Variants in TLE5 observed in about 807,000 individuals in gnomAD.
TLE5 encodes TLE family member 5, transcriptional modulator.
TLE5 carries 7 observed loss-of-function variants against 25.8 expected under a neutral mutation model. The observed-to-expected ratio is 0.27, with a 90% CI of 0.15 to 0.51. The LOEUF is 0.51. Ranked by LOEUF, TLE5 falls within the 20% of genes least tolerant of loss-of-function variation. The pLI, the probability that TLE5 is intolerant of heterozygous loss-of-function variation, is 0.97. For synonymous variants in TLE5, 132 were observed against 110.5 expected (o/e 1.20, Z -1.22); for missense variants, 149 against 250.7 (o/e 0.59, Z 2.74).
At position 3,062,461 on chromosome 19, in the gene TLE5, C is replaced by T; in HGVS notation, c.-261G>A. On this transcript the variant is annotated 5_prime_UTR_variant, in exon 1 of 7. Coordinates refer to ENST00000327141, the MANE Select transcript of TLE5 (RefSeq NM_001130.6). The stretch of plus-strand genomic sequence containing the variant: ...CGCCCGCCTCCCCGCTCCCCGGCCC[C>T]ACCGCTATTGTCTAATGGCGGCGAC... 1 of 686,642 alleles carries T rather than the reference C, an allele frequency of 1.5e-6. No homozygotes were observed. Among genetic ancestry groups the T allele is most frequent in the Non-Finnish European group, 1.8e-6 (1 of 559,640 alleles). The allele number at this position is 686,642 out of a possible 1,614,324, so 42.5% of individuals were successfully genotyped here. A position where few individuals can be genotyped will look rare whatever the true frequency, so the allele number is the denominator to read the frequency against.
chr19:3,057,658 C>CAGTGT, intron 3 of TLE5, 21 bp downstream of exon 3: 1 of 1,611,758 alleles, frequency 6.2e-7, no homozygotes, highest in South Asian at 1.1e-5. Flanking sequence ...AACACTGGAC[C>CAGTGT]TGGGGGCGGA....
chr19:3,062,822 C>A (rs1311442261), upstream of TLE5: 1 of 1,550,262 alleles, frequency 6.5e-7, no homozygotes, highest in South Asian at 1.2e-5. Context: ...TGCTCTGTGA[C>A]CTTGGCTCTG....
Position 3,061,302 on chromosome 19 carries a change from A to AC in TLE5, c.28-46dup, listed in dbSNP as rs766520071. 14 of 1,511,676 alleles carry AC rather than the reference A, an allele frequency of 9.3e-6. No individual in the cohort carries two copies. The African/African-American group carries it at 1.2e-4, about 13-fold the overall frequency. The allele number at this position is 1,511,676 out of a possible 1,614,324, so 93.6% of individuals were successfully genotyped here. ...CGGGTCAGGCCCAGGCGTGGGCTGG[A>AC]CCCCCCTCAAGGGCCGGCTAGGAGG... On this transcript the variant is annotated intron_variant, in intron 1 of 6. Coordinates refer to ENST00000327141, the MANE Select transcript of TLE5 (RefSeq NM_001130.6).
upstream of TLE5, chr19:3,062,858 TTA>T: frequency 3.3e-6 from 5 of 1,508,140 alleles, no homozygotes; most frequent in Admixed American, 2.0e-5. Flanking sequence ...TTGCTGAGCC[TTA>T]GTTTCCTTTT....
At chr19:3,062,921 G>C, upstream of TLE5, 1 of 1,023,708 alleles carries the variant, frequency 9.8e-7, no homozygotes, top group Non-Finnish European at 1.5e-6. Context: ...CCATTCTTGT[G>C]ACACATTTAT....
rs2090280078 is a variant in TLE5 at position 3,062,428 on chromosome 19, C to G, written c.-228G>C. 2 of 783,192 alleles carry G rather than the reference C, an allele frequency of 2.6e-6. No homozygotes were observed. Among genetic ancestry groups the G allele is most frequent in the Non-Finnish European group, 3.1e-6 (2 of 648,454 alleles). 48.5% of individuals were successfully genotyped at this position (783,192 alleles called of 1,614,324 possible). On this transcript the variant is annotated 5_prime_UTR_variant, in exon 1 of 7. Coordinates refer to ENST00000327141, the MANE Select transcript of TLE5 (RefSeq NM_001130.6). ...GCGCGCCCGGCGCCCCTCCCCGCCC[C>G]TCCCCGCCGCCCGCCTCCCCGCTCC...
chr19:3,057,584 GCCGGGGTTGAGGGAGCAGCTGC>G (rs2090230414), intron 3 of TLE5, 73 bp downstream of exon 3: 1 of 1,230,496 alleles, frequency 8.1e-7, no homozygotes, highest in Non-Finnish European at 1.2e-6. Context: ...AGGGGAGGTG[GCCGGGGTTGAGGGAGCAGCTGC>G]CCGTGGTGGA....
At chr19:3,062,627 G>C, upstream of TLE5, 7 of 1,165,450 alleles carry the variant, frequency 6.0e-6, no homozygotes, top group Non-Finnish European at 7.4e-6. Context: ...CCTCCCCGTG[G>C]CCCGCCCGCC....
At position 3,059,692 on chromosome 19, in the gene TLE5, G is replaced by A. The variant is rs1360993424; in HGVS notation, c.125+1468C>T. ...GGACAGCAGGAAGCCCAGGCCCAGC[G>A]GATGGAGACCCCAAAGCTCAGAGAG... On this transcript the variant is annotated intron_variant, in intron 2 of 6. Coordinates refer to ENST00000327141, the MANE Select transcript of TLE5 (RefSeq NM_001130.6). 2.6e-5 allele frequency among the ~76,000 whole-genome samples: 4 copies of A among 152,106 alleles called. No individual in the cohort carries two copies. The East Asian group carries it at 5.8e-4, about 22-fold the overall frequency.
intron 1 of TLE5, among the ~76,000 whole-genome samples, chr19:3,061,770 AC>A (rs920461018): frequency 6.8e-6 from 1 of 147,804 alleles, no homozygotes; most frequent in East Asian, 2.1e-4. Flanking sequence ...GCCTCGGATC[AC>A]CCCCCCCACC....
intron 4 of TLE5, chr19:3,055,939 A>G (rs1190204537): frequency 3.7e-6 from 2 of 539,502 alleles, no homozygotes; most frequent in East Asian, 6.2e-5. Flanking sequence ...TGTCGCCTGC[A>G]GCTTAGAGTG....
rs113900847 is a variant in TLE5, at chr19:3,057,637, C to A, written c.189+42G>T. The A allele has an allele frequency of 3.1e-6, 5 of 1,597,298 alleles. No homozygotes were observed. The Admixed American group carries it at 5.0e-5, about 16-fold the overall frequency. The stretch of plus-strand genomic sequence containing the variant: ...GTGGAGGGGATGTGGAGGGCCCTGT[C>A]GCCCGCCCCCAACACTGGACCTGGG... On this transcript the variant is annotated intron_variant, in intron 3 of 6. Transcript: ENST00000327141.
Position 3,055,456 on chromosome 19 carries a change from G to A in TLE5, c.297+208C>T, listed in dbSNP as rs576433539. ...GGAATTCCAGAGCAGGGTGAGGCCC[G>A]CCCCCCACACGCCTGCACCCCTGGA... On this transcript the variant is annotated intron_variant, in intron 5 of 6. Coordinates refer to ENST00000327141, the MANE Select transcript of TLE5 (RefSeq NM_001130.6). 3.1e-4 allele frequency: 122 copies of A among 392,954 alleles called. 2 individuals carry two copies. In the South Asian group the frequency reaches 0.01, roughly 33 times the overall value. 24.3% of individuals were successfully genotyped at this position (392,954 alleles called of 1,614,324 possible). A position where few individuals can be genotyped will look rare whatever the true frequency, so the allele number is the denominator to read the frequency against.
chr19:3,056,857 C>T (rs995985374), intron 3 of TLE5: 1 of 207,306 alleles, frequency 4.8e-6, no homozygotes, highest in Non-Finnish European at 1.0e-5. Flanking sequence ...CCTCCCATGG[C>T]TCCCTGTCAC....
chr19:3,054,880 G>T, intron 5 of TLE5: 1 of 152,390 alleles, frequency 6.6e-6, no homozygotes, highest in East Asian at 1.9e-4. Flanking sequence ...TTGTCCCTGG[G>T]CAAAGCAGGG....
In TLE5 at chr19:3,059,828, G is replaced by T. The variant is rs546390969; in HGVS notation, c.125+1332C>A. The stretch of plus-strand genomic sequence containing the variant: ...CAGGCGGTATCCAACCCTTCATATC[G>T]AGGAACCCGCACAAAAGCTTCTGGG... On this transcript the variant is annotated intron_variant, in intron 2 of 6. Transcript: ENST00000327141. 1.9e-4 allele frequency among the ~76,000 whole-genome samples: 29 copies of T among 152,208 alleles called. 1 individual carries two copies. The highest frequency in any genetic ancestry group is 7.0e-4 in the African/African-American group (29 of 41,542).
At chr19:3,057,034 C>T (rs1411093976) in intron 3 of TLE5, among the ~76,000 whole-genome samples, 1 of 152,216 alleles carries the variant, frequency 6.6e-6, no homozygotes, top group African/African-American at 2.4e-5. Context: ...CCCTATTCTT[C>T]TGGCTGGGAG....
intron 4 of TLE5, chr19:3,056,031 C>T (rs1001947513): frequency 1.2e-4 from 62 of 518,478 alleles, no homozygotes; most frequent in Non-Finnish European, 1.0e-4. Context: ...AGCGCTTGTG[C>T]GAATGTAGGG....
intron 5 of TLE5, 168 bp from the exon 6 acceptor site, chr19:3,054,362 T>C (rs1421439332): frequency 6.3e-6 from 4 of 630,420 alleles, no homozygotes; most frequent in Non-Finnish European, 1.1e-5. Flanking sequence ...TCTCTCCAAC[T>C]GCTTCCTTTC....
Sources: allele counts gnomAD v4.1 joint callset (sites outside exome capture counted in the v4.1 genomes callset), GRCh38; gene constraint gnomAD v4.1.1; transcripts MANE v1.5; gene names NCBI Gene and HGNC (gene_info 2026-07-23, HGNC 2026-07-21).